The following OTUD7A variants were observed in gnomAD, a reference collection of about 807,000 sequenced individuals.
The protein encoded by OTUD7A is OTU domain-containing protein 7A.
In OTUD7A, 12 loss-of-function variants were observed where a neutral mutation model predicts 65.7. The ratio of observed to expected loss-of-function variants is 0.18; its 90% CI spans 0.12 to 0.30. The LOEUF is 0.30. Among genes scored for constraint, OTUD7A ranks in the 10% least tolerant of loss-of-function variants. The probability of loss-of-function intolerance (pLI) is 1.00; values close to 1 mark genes in which losing one functional copy is unlikely to be tolerated. For missense variants in OTUD7A, 1,148 were observed against 1,304.8 expected, an observed-to-expected ratio of 0.88 and a Z score of 1.85; for synonymous variants, 641 against 586.3, an observed-to-expected ratio of 1.09 and a Z score of -1.35.
chr15:31,504,863 C>G (rs1307552384), intron 8 of OTUD7A, among the ~76,000 whole-genome samples: 1 of 151,036 alleles, frequency 6.6e-6, no homozygotes, highest in African/African-American at 2.4e-5. Context: ...TACATACTAC[C>G]CATGTTTTTT....
chr15:31,532,544 A>C (rs76088531), intron 5 of OTUD7A, among the ~76,000 whole-genome samples: 2 of 150,840 alleles, frequency 1.3e-5, no homozygotes, highest in African/African-American at 4.9e-5. Context: ...AAAAAAAAAA[A>C]CACATATACA....
chr15:31,823,800 C>A (rs1176546627), intron 1 of OTUD7A, among the ~76,000 whole-genome samples: 1 of 152,198 alleles, frequency 6.6e-6, no homozygotes, highest in Non-Finnish European at 1.5e-5. Context: ...CACGAGCCCT[C>A]AGCAGCAGCC....
intron 5 of OTUD7A, chr15:31,556,818 C>T (rs1335635369): frequency 2.6e-5 from 4 of 152,264 alleles, no homozygotes; most frequent in African/African-American, 9.6e-5. Context: ...CTAATTTCCG[C>T]TTCTCTATGA....
At chr15:31,836,532 T>A (rs746740412) in intron 1 of OTUD7A, among the ~76,000 whole-genome samples, 1 of 152,100 alleles carries the variant, frequency 6.6e-6, no homozygotes, top group Admixed American at 6.5e-5. Context: ...CATTTTAAGA[T>A]ACCAAAGAGA....
chr15:31,591,808 C>T (rs867739808), intron 3 of OTUD7A, among the ~76,000 whole-genome samples: 5 of 152,188 alleles, frequency 3.3e-5, no homozygotes, highest in African/African-American at 9.7e-5. Flanking sequence ...CATCACTAGG[C>T]GATTTCATCA....
At position 31,570,101 on chromosome 15, in the gene OTUD7A, C is replaced by T; in HGVS notation, c.248G>A (p.Gly83Asp). The T allele has an allele frequency of 6.2e-7, 1 of 1,614,218 alleles. No homozygotes were observed. Among genetic ancestry groups the T allele is most frequent in the Non-Finnish European group, 8.5e-7 (1 of 1,180,044 alleles). ...NLPHVFNEGR[G>D]PKQPEREPQP... ...TGGCTCTCGCTCTGGCTGCTTGGGA[C>T]CCCGCCCTTCATTGAACACATGTGG... Residue 83 changes from glycine (G) to aspartate (D), a missense_variant, in exon 4 of 13, where the codon GGT becomes GAT. By Grantham distance (94) the Gly-to-Asp change is moderately conservative. Transcript: ENST00000307050.
intron 1 of OTUD7A, among the ~76,000 whole-genome samples, chr15:31,681,256 T>A (rs1009149284): frequency 3.3e-5 from 5 of 152,004 alleles, no homozygotes; most frequent in African/African-American, 1.2e-4. Flanking sequence ...ACTATCCATG[T>A]TTCTTTCTTT....
intron 5 of OTUD7A, among the ~76,000 whole-genome samples, chr15:31,543,106 A>C (rs1888033098): frequency 6.6e-6 from 1 of 151,934 alleles, no homozygotes. Flanking sequence ...ATGTCTGATG[A>C]GATTAAAAGT....
chr15:31,559,090 G>C lies in OTUD7A; in HGVS notation c.429C>G (p.Pro143=). Residue 143 remains proline (P), a synonymous_variant, in exon 5 of 13, where the codon CCC becomes CCG. Transcript: ENST00000307050. Reference sequence around the variant, plus strand: ...GGAATGTGTAGATTGGCATCTCCAGGGGGAACTGCTCGTTGTTGCATTCAC... The same window carrying C: ...GGAATGTGTAGATTGGCATCTCCAGCGGGAACTGCTCGTTGTTGCATTCAC... ...VASECNNEQF[P]LEMPIYTFQL... 2 of 1,613,368 alleles carry C rather than the reference G, an allele frequency of 1.2e-6. No individual in the cohort carries two copies. Among genetic ancestry groups the C allele is most frequent in the Non-Finnish European group, 1.7e-6 (2 of 1,179,774 alleles).
chr15:31,778,730 T>C (rs1895456074), intron 1 of OTUD7A, among the ~76,000 whole-genome samples: 1 of 151,094 alleles, frequency 6.6e-6, no homozygotes, highest in African/African-American at 2.5e-5. Context: ...GATGTGTGTG[T>C]CTCTCTCTCT....
rs147749510 is a variant in OTUD7A, at chr15:31,585,581, G to A, written c.152-15384C>T. ...CCAGGGTTGAGAGCTTGACCTTTGA[G>A]TTATGTGTTTCTATCTGCGGCTTCC... On this transcript the variant is annotated intron_variant, in intron 3 of 12. Transcript: ENST00000307050. Among the ~76,000 whole-genome samples the A allele has an allele frequency of 7.3e-4, 111 of 152,326 alleles. 1 individual carries two copies. In the East Asian group the frequency reaches 0.018, roughly 24 times the overall value.
intron 3 of OTUD7A, among the ~76,000 whole-genome samples, chr15:31,646,114 G>T (rs1891654385): frequency 6.6e-6 from 1 of 152,082 alleles, no homozygotes; most frequent in Non-Finnish European, 1.5e-5. Flanking sequence ...AGGGCTTCTG[G>T]TTGTTTTTTT....
At chr15:31,796,263 G>T (rs537667730) in intron 1 of OTUD7A, among the ~76,000 whole-genome samples, 1 of 151,640 alleles carries the variant, frequency 6.6e-6, no homozygotes, top group Non-Finnish European at 1.5e-5. Flanking sequence ...TCTTTCTAGA[G>T]AGATTTAAGG....
intron 1 of OTUD7A, among the ~76,000 whole-genome samples, chr15:31,828,408 A>C (rs1323589719): frequency 6.6e-6 from 1 of 152,168 alleles, no homozygotes; most frequent in African/African-American, 2.4e-5. Flanking sequence ...TGTAATGTTT[A>C]AACTGGGTAA....
Position 31,570,214 on chromosome 15 carries a change from A to G in OTUD7A, c.152-17T>C, listed in dbSNP as rs1253659068. On this transcript the variant is annotated splice_polypyrimidine_tract_variant and intron_variant, in intron 3 of 12. Coordinates refer to ENST00000307050, the MANE Select transcript of OTUD7A (RefSeq NM_001382637.1). ...AGTTTTTGCCTGTGGACAAGAAATG[A>G]CAAGAGGTGACAATACGAACGCATG... 1.2e-6 allele frequency: 2 copies of G among 1,612,674 alleles called. No homozygotes were observed. The highest frequency in any genetic ancestry group is 1.7e-5 in the Admixed American group (1 of 59,980).
At position 31,708,858 on chromosome 15, in the gene OTUD7A, G is replaced by A. The variant is rs576831911; in HGVS notation, c.-99-51781C>T. On this transcript the variant is annotated intron_variant, in intron 1 of 12. Transcript: ENST00000307050. ...AAGCCCCACTTCAAGGGACTCTGACGGGGAGGAAGCTGGGGAAGGAGGCAG... is the reference window on the plus strand; with the variant it reads ...AAGCCCCACTTCAAGGGACTCTGACAGGGAGGAAGCTGGGGAAGGAGGCAG... 8.0e-3 allele frequency among the ~76,000 whole-genome samples: 1,211 copies of A among 151,204 alleles called. 4 individuals are homozygous for A. Among genetic ancestry groups the A allele is most frequent in the Middle Eastern group, 0.044 (13 of 294 alleles).
At chr15:31,781,309 T>A (rs768662167) in intron 1 of OTUD7A, among the ~76,000 whole-genome samples, 7 of 152,126 alleles carry the variant, frequency 4.6e-5, no homozygotes, top group Non-Finnish European at 8.8e-5. Flanking sequence ...AAGCCACGTG[T>A]AGAGGCCACA....
At chr15:31,694,232 G>T (rs1273952085) in intron 1 of OTUD7A, among the ~76,000 whole-genome samples, 1 of 152,146 alleles carries the variant, frequency 6.6e-6, no homozygotes, top group Non-Finnish European at 1.5e-5. Context: ...GCACTGGCAT[G>T]CTCTCTGGCA....
intron 1 of OTUD7A, among the ~76,000 whole-genome samples, chr15:31,760,472 A>G (rs1310175657): frequency 6.6e-6 from 1 of 152,212 alleles, no homozygotes; most frequent in East Asian, 1.9e-4. Context: ...TCATTTTATA[A>G]AGATACTTTC....
Sources: allele counts gnomAD v4.1 joint callset (sites outside exome capture counted in the v4.1 genomes callset), GRCh38; gene constraint gnomAD v4.1.1; transcripts MANE v1.5; gene names NCBI Gene and HGNC (gene_info 2026-07-23, HGNC 2026-07-21).